FOXK1: variants seen among roughly 807,000 people sequenced by gnomAD.
The protein encoded by FOXK1 is forkhead box protein K1.
Under a neutral mutation model 51.9 loss-of-function variants are expected in FOXK1, and 19 were observed. The ratio of observed to expected loss-of-function variants is 0.37; its 90% CI spans 0.26 to 0.54. FOXK1 has a LOEUF of 0.54. Ranked by LOEUF, FOXK1 falls within the 20% of genes least tolerant of loss-of-function variation. The probability of loss-of-function intolerance (pLI) is 0.87; values close to 1 mark genes in which losing one functional copy is unlikely to be tolerated. For missense variants in FOXK1, 870 were observed against 1,032.7 expected, an observed-to-expected ratio of 0.84 and a Z score of 2.16; for synonymous variants, 537 against 482.6, an observed-to-expected ratio of 1.11 and a Z score of -1.48.
Position 4,707,443 on chromosome 7 carries a change from T to C in FOXK1, c.560+24575T>C, listed in dbSNP as rs1780116834. ...CTCTCCCTGGGCGGGCTTTCCGTGT[T>C]ATTAATCTACTTTATGACCCAGTTT... On this transcript the variant is annotated intron_variant, in intron 1 of 8. Transcript: ENST00000328914. The surrounding 1 kb of genome is among the most constrained non-coding windows in gnomAD (Gnocchi z 4.1). Among the ~76,000 whole-genome samples the C allele has an allele frequency of 6.6e-6, 1 of 152,230 alleles. No individual in the cohort carries two copies. The highest frequency in any genetic ancestry group is 2.4e-5 in the African/African-American group (1 of 41,456).
In FOXK1 at chr7:4,709,063, C is replaced by CAAA. The variant is rs111595744; in HGVS notation, c.560+26209_560+26211dup. ...CTGGGCAATGAGCGAGACTCTGTCT[C>CAAA]AAAAAAAAAAAAAAAAGAAAAGAAA... is the stretch of plus-strand genomic sequence containing the variant. On this transcript the variant is annotated intron_variant, in intron 1 of 8. Transcript: ENST00000328914. The surrounding 1 kb of genome is among the most constrained non-coding windows in gnomAD (Gnocchi z 5.6). 3.1e-5 allele frequency among the ~76,000 whole-genome samples: 2 copies of CAAA among 65,130 alleles called. No individual in the cohort carries two copies. The highest frequency in any genetic ancestry group is 4.6e-5 in the African/African-American group (1 of 21,660). 42.7% of individuals were successfully genotyped at this position (65,130 alleles called of 152,430 possible).
rs972538077 is a variant in FOXK1, at chr7:4,730,564, G to A, written c.561-10274G>A. 6.6e-6 allele frequency among the ~76,000 whole-genome samples: 1 copy of A among 152,192 alleles called. No individual in the cohort carries two copies. Among genetic ancestry groups the A allele is most frequent in the Non-Finnish European group, 1.5e-5 (1 of 68,030 alleles). On this transcript the variant is annotated intron_variant, in intron 1 of 8. Transcript: ENST00000328914. This position sits in a 1 kb window ranked among gnomAD's most constrained non-coding sequence, Gnocchi z 4.7. The stretch of plus-strand genomic sequence containing the variant: ...TTGTGTTGCTGTCAGGGACCTTGCC[G>A]ACCCAGCCCCCGCCCCGCCTTCAAG...
rs760570650 is a variant in FOXK1 at position 4,761,201 on chromosome 7, C to G, written c.1834C>G (p.Leu612Val). The change falls in exon 8 of 9, where the codon CTC becomes GTC. Residue 612 changes from leucine (L) to valine (V), a missense_variant. Around this residue, in one of 3 missense-constraint regions of FOXK1, gnomAD observed 457 missense variants for 510.8 expected, o/e 0.89. Transcript: ENST00000328914. This position sits in a 1 kb window ranked among gnomAD's most constrained non-coding sequence, Gnocchi z 6.2. Reference sequence around the variant, plus strand: ...CCTGCAGCCCGCCACACCCGTGACCCTCGGGCAGCACCACCTTCCAGTCCG... The same window carrying G: ...CCTGCAGCCCGCCACACCCGTGACCGTCGGGCAGCACCACCTTCCAGTCCG... The part of the protein sequence containing the change: ...TILQPATPVT[L>V]GQHHLPVRAV... 3 of 1,613,134 alleles carry G rather than the reference C, an allele frequency of 1.9e-6. No homozygotes were observed. In the South Asian group the frequency reaches 3.3e-5, roughly 18 times the overall value.
At chr7:4,739,668 C>G (rs1780605600) in intron 1 of FOXK1, among the ~76,000 whole-genome samples, 2 of 152,230 alleles carry the variant, frequency 1.3e-5, no homozygotes. Context: ...AAGCCCAGAA[C>G]TGATCGTGAA....
chr7:4,727,576 A>G (rs1780396687), intron 1 of FOXK1, among the ~76,000 whole-genome samples: 1 of 152,120 alleles, frequency 6.6e-6, no homozygotes, highest in Admixed American at 6.5e-5. Flanking sequence ...TGGCCTCCCA[A>G]AGTACTGGGA....
chr7:4,704,180 G>T (rs909697039), intron 1 of FOXK1, among the ~76,000 whole-genome samples: 2 of 152,142 alleles, frequency 1.3e-5, no homozygotes, highest in African/African-American at 4.8e-5. Flanking sequence ...GCCGGGCGTG[G>T]TGGCGCACAC....
At chr7:4,754,663 G>A (rs370863273) in intron 3 of FOXK1, 48 bp downstream of exon 3, 48 of 1,577,086 alleles carry the variant, frequency 3.0e-5, no homozygotes, top group Non-Finnish European at 7.7e-6. Context: ...CCAGGATCGG[G>A]CCATAGTGAC....
At position 4,734,248 on chromosome 7, in the gene FOXK1, C is replaced by G. The variant is rs889055208; in HGVS notation, c.561-6590C>G. On this transcript the variant is annotated intron_variant, in intron 1 of 8. Coordinates refer to ENST00000328914, the MANE Select transcript of FOXK1 (RefSeq NM_001037165.2). This position sits in a 1 kb window ranked among gnomAD's most constrained non-coding sequence, Gnocchi z 5.2. The stretch of plus-strand genomic sequence containing the variant: ...GCCGTAGGCCTCCCAGACAGAGCCT[C>G]TGAAGCTCCTGTTTTCTTTGTCCTT... 3.9e-5 allele frequency among the ~76,000 whole-genome samples: 6 copies of G among 152,226 alleles called. No homozygotes were observed. Among genetic ancestry groups the G allele is most frequent in the African/African-American group, 7.2e-5 (3 of 41,470 alleles).
chr7:4,765,965 C>T lies in FOXK1; in HGVS notation c.*3501C>T, dbSNP rs903778943. 2 of 152,290 alleles carry T rather than the reference C, an allele frequency of 1.3e-5. No individual in the cohort carries two copies. The highest frequency in any genetic ancestry group is 2.9e-5 in the Non-Finnish European group (2 of 68,094). 9.4% of individuals were successfully genotyped at this position (152,290 alleles called of 1,614,324 possible). A position where few individuals can be genotyped will look rare whatever the true frequency, so the allele number is the denominator to read the frequency against. On this transcript the variant is annotated 3_prime_UTR_variant, in exon 9 of 9. Coordinates refer to ENST00000328914, the MANE Select transcript of FOXK1 (RefSeq NM_001037165.2). ...CTCGTGCCAGCTTCTGCCACCAGCC[C>T]AGTGTCCACGGAGCCGCGGGGCCAG...
In FOXK1 at chr7:4,745,323, G is replaced by T. The variant is rs1443528116; in HGVS notation, c.746+4300G>T. On this transcript the variant is annotated intron_variant, in intron 2 of 8. Transcript: ENST00000328914. This position sits in a 1 kb window ranked among gnomAD's most constrained non-coding sequence, Gnocchi z 4.3. ...CCCTCATTCCCAGGAGTCGGGAGTG[G>T]CTTGGGAGCGGCTTTTTCCTGGGGG... 1.3e-5 allele frequency among the ~76,000 whole-genome samples: 2 copies of T among 152,282 alleles called. No individual in the cohort carries two copies. Among genetic ancestry groups the T allele is most frequent in the African/African-American group, 4.8e-5 (2 of 41,568 alleles).
rs1333074841 is a variant in FOXK1, at chr7:4,753,062, A to G, written c.747-1397A>G. On this transcript the variant is annotated intron_variant, in intron 2 of 8. Transcript: ENST00000328914. The surrounding 1 kb of genome is among the most constrained non-coding windows in gnomAD (Gnocchi z 4.9). Reference sequence around the variant, plus strand: ...GTTTCGACACGTGTGGAACTTACCTATCTCTGCCATATTTGGGGAGTCCGT... The same window carrying G: ...GTTTCGACACGTGTGGAACTTACCTGTCTCTGCCATATTTGGGGAGTCCGT... Among the ~76,000 whole-genome samples the G allele has an allele frequency of 1.3e-5, 2 of 152,170 alleles. No homozygotes were observed. The highest frequency in any genetic ancestry group is 2.9e-5 in the Non-Finnish European group (2 of 68,034).
At chr7:4,701,225 C>G (rs909596561) in intron 1 of FOXK1, among the ~76,000 whole-genome samples, 10 of 152,158 alleles carry the variant, frequency 6.6e-5, no homozygotes, top group Admixed American at 6.6e-5. Flanking sequence ...TTCTGAGCTG[C>G]TTATCTAGAG....
chr7:4,764,699 C>T lies in FOXK1; in HGVS notation c.*2235C>T, dbSNP rs992521470. The stretch of plus-strand genomic sequence containing the variant: ...TCTCTCCCGCGTGGTGACTATATGT[C>T]CTCAGGGCTGCCTGTGGCCACCCTG... On this transcript the variant is annotated 3_prime_UTR_variant, in exon 9 of 9. Transcript: ENST00000328914. 1.3e-5 allele frequency: 2 copies of T among 152,362 alleles called. No homozygotes were observed. Among genetic ancestry groups the T allele is most frequent in the South Asian group, 2.1e-4 (1 of 4,840 alleles). The allele number at this position is 152,362 out of a possible 1,614,324, so 9.4% of individuals were successfully genotyped here.
Position 4,747,548 on chromosome 7 carries a change from T to C in FOXK1, c.746+6525T>C, listed in dbSNP as rs778274468. Among the ~76,000 whole-genome samples the C allele has an allele frequency of 6.6e-6, 1 of 152,176 alleles. No homozygotes were observed. The highest frequency in any genetic ancestry group is 2.4e-5 in the African/African-American group (1 of 41,418). The stretch of plus-strand genomic sequence containing the variant: ...GGTTGATTTTGTTTTTGTTTGTTTG[T>C]TTTTTGGGACAGGGTCTCACTCTAT... On this transcript the variant is annotated intron_variant, in intron 2 of 8. Transcript: ENST00000328914. This position sits in a 1 kb window ranked among gnomAD's most constrained non-coding sequence, Gnocchi z 9.2.
In FOXK1 at chr7:4,682,511, CGGGCTCCTCCGG is replaced by C. The variant is rs1416811252; in HGVS notation, c.218_229del (p.Gly73_Gly76del). ...CTGCCTCCGGGCGCGATCGCGGGCG[CGGGCTCCTCCGG>C]GGGCTCCTCCGGGGTATCCGGGGAC... On this transcript the variant is annotated inframe_deletion, in exon 1 of 9. Coordinates refer to ENST00000328914, the MANE Select transcript of FOXK1 (RefSeq NM_001037165.2). This position sits in a 1 kb window ranked among gnomAD's most constrained non-coding sequence, Gnocchi z 7.6. 77 of 1,063,580 alleles carry C rather than the reference CGGGCTCCTCCGG, an allele frequency of 7.2e-5. No homozygotes were observed. Among genetic ancestry groups the C allele is most frequent in the East Asian group, 3.4e-4 (5 of 14,678 alleles). 65.9% of individuals were successfully genotyped at this position (1,063,580 alleles called of 1,614,324 possible).
intron 1 of FOXK1, among the ~76,000 whole-genome samples, chr7:4,717,830 GGTGAAGACCGACCACC>G (rs1423489737): frequency 6.6e-6 from 1 of 152,156 alleles, no homozygotes; most frequent in East Asian, 1.9e-4. Flanking sequence ...CCATGCTCCA[GGTGAAGACCGACCACC>G]GCCGTGTGTT....
At chr7:4,708,716 C>T (rs1218025692) in intron 1 of FOXK1, among the ~76,000 whole-genome samples, 9 of 152,166 alleles carry the variant, frequency 5.9e-5, no homozygotes. Context: ...TCATTCCTGC[C>T]AGCTTCTCAG....
intron 1 of FOXK1, among the ~76,000 whole-genome samples, chr7:4,718,832 G>A (rs980777031): frequency 6.6e-6 from 1 of 152,124 alleles, no homozygotes; most frequent in Non-Finnish European, 1.5e-5. Flanking sequence ...TGTTTGAGAC[G>A]GAGTTTCACT....
At chr7:4,699,869 C>T (rs921465627) in intron 1 of FOXK1, among the ~76,000 whole-genome samples, 1 of 152,136 alleles carries the variant, frequency 6.6e-6, no homozygotes, top group African/African-American at 2.4e-5. Context: ...GGGCCATAAT[C>T]CTCATGTGCA....
Sources: allele counts gnomAD v4.1 joint callset (sites outside exome capture counted in the v4.1 genomes callset), GRCh38; gene constraint gnomAD v4.1.1; regional missense constraint gnomAD v4.1.1; non-coding constraint Gnocchi (gnomAD v3.1); transcripts MANE v1.5; gene names NCBI Gene and HGNC (gene_info 2026-07-23, HGNC 2026-07-21).